Variants in CELF5 observed in about 807,000 individuals in gnomAD.
The protein encoded by CELF5 is CUGBP Elav-like family member 5.
CELF5 carries 6 observed loss-of-function variants against 54.9 expected under a neutral mutation model. The observed-to-expected ratio is 0.11, with a 90% CI of 0.06 to 0.22. CELF5 has a LOEUF of 0.22. Among genes scored for constraint, CELF5 ranks in the 10% least tolerant of loss-of-function variants. The pLI, the probability that CELF5 is intolerant of heterozygous loss-of-function variation, is 1.00. For synonymous variants in CELF5, 271 were observed against 290.9 expected, an observed-to-expected ratio of 0.93 and a Z score of 0.70; for missense variants, 401 against 678.6, an observed-to-expected ratio of 0.59 and a Z score of 4.54.
In CELF5 at chr19:3,228,078, G is replaced by A. The variant is rs1485833239; in HGVS notation, c.259+3080G>A. Reference sequence around the variant, plus strand: ...CGTCGAGGTGGTCTTCCGAAAGAGGGCAGGCCCTGGGGCGCTGGGTTTGTT... The same window carrying A: ...CGTCGAGGTGGTCTTCCGAAAGAGGACAGGCCCTGGGGCGCTGGGTTTGTT... On this transcript the variant is annotated intron_variant, in intron 1 of 12. Coordinates refer to ENST00000292672, the MANE Select transcript of CELF5 (RefSeq NM_021938.4). The surrounding 1 kb of genome is among the most constrained non-coding windows in gnomAD (Gnocchi z 6.0). Among the ~76,000 whole-genome samples the A allele has an allele frequency of 6.6e-6, 1 of 152,202 alleles. No individual in the cohort carries two copies. Among genetic ancestry groups the A allele is most frequent in the African/African-American group, 2.4e-5 (1 of 41,518 alleles).
In CELF5 at chr19:3,253,099, A is replaced by G. The variant is rs2079672875; in HGVS notation, c.342+2032A>G. The stretch of plus-strand genomic sequence containing the variant: ...AACCAACCAGAAGCTAAAAAAGTAC[A>G]TTAAAAAAAAAAAGAAAGAAAGAAA... On this transcript the variant is annotated intron_variant, in intron 2 of 12. Transcript: ENST00000292672. Among the ~76,000 whole-genome samples the G allele has an allele frequency of 2.1e-5, 3 of 141,740 alleles. No homozygotes were observed. In the South Asian group the frequency reaches 7.5e-4, roughly 36 times the overall value. The allele number at this position is 141,740 out of a possible 152,430, so 93.0% of individuals were successfully genotyped here. A position where few individuals can be genotyped will look rare whatever the true frequency, so the allele number is the denominator to read the frequency against.
At chr19:3,231,983 C>CATGG (rs1917289506) in intron 1 of CELF5, among the ~76,000 whole-genome samples, 1 of 145,804 alleles carries the variant, frequency 6.9e-6, no homozygotes, top group African/African-American at 2.5e-5. Flanking sequence ...TGGGTGGGTG[C>CATGG]ATGGATGAAT....
In CELF5 at chr19:3,268,456, G is replaced by T. The variant is rs561584287; in HGVS notation, c.343-5416G>T. Among the ~76,000 whole-genome samples, 1 of 152,188 alleles carries T rather than the reference G, an allele frequency of 6.6e-6. No individual in the cohort carries two copies. The highest frequency in any genetic ancestry group is 1.5e-5 in the Non-Finnish European group (1 of 68,040). On this transcript the variant is annotated intron_variant, in intron 2 of 12. Coordinates refer to ENST00000292672, the MANE Select transcript of CELF5 (RefSeq NM_021938.4). This position sits in a 1 kb window ranked among gnomAD's most constrained non-coding sequence, Gnocchi z 4.4. Reference sequence around the variant, plus strand: ...CACGTCAAGCTGCGAGACTCGGGGCGTCGTGTCATCTTTCTGGGCCTGTGC... The same window carrying T: ...CACGTCAAGCTGCGAGACTCGGGGCTTCGTGTCATCTTTCTGGGCCTGTGC...
At chr19:3,284,221 G>A (rs879671033) in intron 8 of CELF5, among the ~76,000 whole-genome samples, 11 of 152,008 alleles carry the variant, frequency 7.2e-5, no homozygotes, top group Non-Finnish European at 7.4e-5. Flanking sequence ...TTGCCATTTT[G>A]TCACAGATGC....
chr19:3,248,515 G>T (rs1026441874), intron 1 of CELF5, among the ~76,000 whole-genome samples: 3 of 152,070 alleles, frequency 2.0e-5, no homozygotes, highest in Non-Finnish European at 2.9e-5. Context: ...TGTTCTCAAG[G>T]TTCACCCACG....
intron 1 of CELF5, among the ~76,000 whole-genome samples, chr19:3,244,734 G>A (rs2079540214): frequency 7.1e-6 from 1 of 140,366 alleles, no homozygotes; most frequent in South Asian, 2.4e-4. Flanking sequence ...GGTGTGTTGT[G>A]CGTGCCTTGT....
At chr19:3,290,522 C>A in intron 11 of CELF5, 148 bp downstream of exon 11, 2 of 760,706 alleles carry the variant, frequency 2.6e-6, no homozygotes, top group Non-Finnish European at 4.2e-6. Flanking sequence ...CAGTGGATCA[C>A]GCCTGTGATC....
chr19:3,258,629 A>G (rs189029558), intron 2 of CELF5, among the ~76,000 whole-genome samples: 52 of 151,902 alleles, frequency 3.4e-4, no homozygotes, highest in African/African-American at 1.2e-3. Context: ...TTTATTTTTT[A>G]GAGACAGGGT....
Position 3,293,470 on chromosome 19 carries a change from C to T in CELF5, c.*24C>T, listed in dbSNP as rs1170691971. The T allele has an allele frequency of 6.2e-6, 10 of 1,612,988 alleles. No individual in the cohort carries two copies. Among genetic ancestry groups the T allele is most frequent in the African/African-American group, 1.3e-5 (1 of 75,046 alleles). On this transcript the variant is annotated 3_prime_UTR_variant, in exon 12 of 13. Coordinates refer to ENST00000292672, the MANE Select transcript of CELF5 (RefSeq NM_021938.4). ...GACCGCGCCCACAGCCGCCCTGAGG[C>T]TGTAGGCATGGCCCAGGTGAGCCGC...
At chr19:3,227,774 C>T (rs989591122) in intron 1 of CELF5, among the ~76,000 whole-genome samples, 16 of 152,072 alleles carry the variant, frequency 1.1e-4, no homozygotes, top group Admixed American at 5.9e-4. Flanking sequence ...CCACATTTAC[C>T]GGAGCTAGGC....
rs890636355 is a variant in CELF5, at chr19:3,280,345, C to T, written c.604-854C>T. ...CAGCACTTTGGGAGGTCGAGGCGGG[C>T]GGATCACTTGAGGTCAGGAGTTAGA... is the stretch of plus-strand genomic sequence containing the variant. On this transcript the variant is annotated intron_variant, in intron 5 of 12. Coordinates refer to ENST00000292672, the MANE Select transcript of CELF5 (RefSeq NM_021938.4). Among the ~76,000 whole-genome samples, 9 of 151,672 alleles carry T rather than the reference C, an allele frequency of 5.9e-5. 1 individual carries two copies. Among genetic ancestry groups the T allele is most frequent in the Non-Finnish European group, 7.4e-5 (5 of 67,912 alleles).
At chr19:3,284,205 G>A (rs2080197256) in intron 8 of CELF5, among the ~76,000 whole-genome samples, 1 of 151,820 alleles carries the variant, frequency 6.6e-6, no homozygotes, top group African/African-American at 2.4e-5. Flanking sequence ...GTGCAGGGGC[G>A]GTTAATTGCC....
chr19:3,264,303 G>GT (rs11419528), intron 2 of CELF5, among the ~76,000 whole-genome samples: 113,357 of 144,140 alleles, frequency 0.79, 44,519 homozygotes, highest in East Asian at 0.97. Flanking sequence ...AGCACTAGGT[G>GT]TTTTTTTTTT....
rs770017532 is a variant in CELF5, at chr19:3,278,421, A to ATGTG, written c.603+320_603+323dup. 6.6e-6 allele frequency among the ~76,000 whole-genome samples: 1 copy of ATGTG among 151,216 alleles called. No homozygotes were observed. Among genetic ancestry groups the ATGTG allele is most frequent in the Non-Finnish European group, 1.5e-5 (1 of 67,806 alleles). ...TGTGAGTGTGCCCGAGACTGCATGC[A>ATGTG]TGTGTGTGTGTGAGTGCGTGTTTGA... On this transcript the variant is annotated intron_variant, in intron 5 of 12. Transcript: ENST00000292672. This position sits in a 1 kb window ranked among gnomAD's most constrained non-coding sequence, Gnocchi z 4.5.
chr19:3,227,378 A>G (rs1227406550), intron 1 of CELF5, among the ~76,000 whole-genome samples: 2 of 152,082 alleles, frequency 1.3e-5, no homozygotes, highest in African/African-American at 4.8e-5. Context: ...GAGTTCAGAC[A>G]CCTGCCACCA....
intron 1 of CELF5, among the ~76,000 whole-genome samples, chr19:3,229,437 A>G (rs1917140451): frequency 6.6e-6 from 1 of 152,182 alleles, no homozygotes. Context: ...ATGGCAAAAC[A>G]CACACCAGCA....
rs76494958 is a variant in CELF5, at chr19:3,254,647, T to C, written c.342+3580T>C. Among the ~76,000 whole-genome samples the C allele has an allele frequency of 5.5e-3, 822 of 149,958 alleles. 9 individuals carry two copies. The highest frequency in any genetic ancestry group is 0.029 in the East Asian group (146 of 5,024). ...CATTACCTACCCACCCACCCACACATCTATTATGCATCCCTCCATTCTCCC... is the reference window on the plus strand; with the variant it reads ...CATTACCTACCCACCCACCCACACACCTATTATGCATCCCTCCATTCTCCC... On this transcript the variant is annotated intron_variant, in intron 2 of 12. Coordinates refer to ENST00000292672, the MANE Select transcript of CELF5 (RefSeq NM_021938.4).
rs1213599368 is a variant in CELF5, at chr19:3,235,355, A to G, written c.259+10357A>G. The stretch of plus-strand genomic sequence containing the variant: ...CAAATGAAGACCTCTAACATACTAT[A>G]TATATCGCTTTTAATTTTATTTGCT... On this transcript the variant is annotated intron_variant, in intron 1 of 12. Transcript: ENST00000292672. Among the ~76,000 whole-genome samples the G allele has an allele frequency of 2.6e-5, 4 of 151,130 alleles. No homozygotes were observed. In the East Asian group the frequency reaches 7.8e-4, roughly 29 times the overall value.
chr19:3,279,766 A>T (rs961147466), intron 5 of CELF5, among the ~76,000 whole-genome samples: 22 of 152,066 alleles, frequency 1.4e-4, no homozygotes, highest in Non-Finnish European at 2.9e-4. Flanking sequence ...GCAATGGGGC[A>T]ATCTCAGCTC....
Sources: allele counts gnomAD v4.1 joint callset (sites outside exome capture counted in the v4.1 genomes callset), GRCh38; gene constraint gnomAD v4.1.1; non-coding constraint Gnocchi (gnomAD v3.1); transcripts MANE v1.5; gene names NCBI Gene and HGNC (gene_info 2026-07-23, HGNC 2026-07-21).